The following FTO variants were observed in gnomAD, a reference collection of about 807,000 sequenced individuals.
The protein encoded by FTO is FTO alpha-ketoglutarate dependent dioxygenase.
FTO carries 47 observed loss-of-function variants against 63.9 expected under a neutral mutation model. The ratio of observed to expected loss-of-function variants is 0.74; its 90% CI spans 0.58 to 0.94. The LOEUF is 0.94. Ranked by LOEUF, FTO falls within the 40% of genes least tolerant of loss-of-function variation. FTO has a pLI of 0.00. For synonymous variants in FTO, 207 were observed against 224.4 expected (o/e 0.92, Z 0.69); for missense variants, 562 against 618.1 (o/e 0.91, Z 0.96).
At chr16:53,846,988 TTAATA>T (rs1014133453) in intron 4 of FTO, among the ~76,000 whole-genome samples, 2 of 152,120 alleles carry the variant, frequency 1.3e-5, no homozygotes, top group Non-Finnish European at 2.9e-5. Context: ...AATGCCTGAT[TTAATA>T]TATTTCTTTT....
intron 3 of FTO, among the ~76,000 whole-genome samples, chr16:53,838,511 A>C (rs1162689674): frequency 6.6e-6 from 1 of 151,920 alleles, no homozygotes; most frequent in African/African-American, 2.4e-5. Context: ...GGATTTCACC[A>C]TGTTGGCCAG....
chr16:54,059,953 G>A (rs1183695659), intron 8 of FTO, among the ~76,000 whole-genome samples: 2 of 151,806 alleles, frequency 1.3e-5, no homozygotes, highest in Non-Finnish European at 1.5e-5. Flanking sequence ...AAAATAAAAC[G>A]TGTTTTAAAA....
chr16:53,894,989 A>G (rs949007072), intron 7 of FTO, among the ~76,000 whole-genome samples: 2 of 152,150 alleles, frequency 1.3e-5, no homozygotes, highest in African/African-American at 2.4e-5. Flanking sequence ...CGAAAAAGTC[A>G]CTTGCAGCTG....
chr16:53,843,800 T>G (rs937530552), intron 3 of FTO, among the ~76,000 whole-genome samples: 1 of 149,562 alleles, frequency 6.7e-6, no homozygotes, highest in South Asian at 2.1e-4. Context: ...TACATCTGTT[T>G]TTTATTTTTA....
chr16:53,816,566 TGCCCCAAG>T (rs2078696574), intron 2 of FTO, among the ~76,000 whole-genome samples: 1 of 148,686 alleles, frequency 6.7e-6, no homozygotes, highest in African/African-American at 2.5e-5. Context: ...AGCTCACTCC[TGCCCCAAG>T]GCCTTTGCAC....
intron 8 of FTO, among the ~76,000 whole-genome samples, chr16:53,960,045 A>C (rs1441218260): frequency 6.6e-6 from 1 of 152,140 alleles, no homozygotes; most frequent in Non-Finnish European, 1.5e-5. Flanking sequence ...TCAAGACTGG[A>C]CTTGGGGATT....
intron 8 of FTO, among the ~76,000 whole-genome samples, chr16:53,997,010 G>A (rs1186253887): frequency 6.6e-6 from 1 of 152,020 alleles, no homozygotes; most frequent in Admixed American, 6.6e-5. Flanking sequence ...CTGTTCAGAA[G>A]GCTGAGGCAA....
intron 8 of FTO, among the ~76,000 whole-genome samples, chr16:54,004,521 C>T (rs762175283): frequency 5.3e-5 from 8 of 152,116 alleles, no homozygotes; most frequent in Non-Finnish European, 1.0e-4. Flanking sequence ...TTGATGTTTG[C>T]TCACCATTAT....
At chr16:54,074,040 T>G (rs917135341) in intron 8 of FTO, among the ~76,000 whole-genome samples, 4 of 152,100 alleles carry the variant, frequency 2.6e-5, no homozygotes, top group African/African-American at 9.7e-5. Flanking sequence ...CAATAAACTG[T>G]TTTATCAGGA....
At chr16:53,878,846 G>A (rs1429394570) in intron 5 of FTO, among the ~76,000 whole-genome samples, 1 of 152,184 alleles carries the variant, frequency 6.6e-6, no homozygotes, top group African/African-American at 2.4e-5. Flanking sequence ...TCCTTGCTGA[G>A]GCCCAGGTAC....
chr16:54,040,426 T>C (rs747065750), intron 8 of FTO: 5 of 152,228 alleles, frequency 3.3e-5, no homozygotes, highest in Non-Finnish European at 7.3e-5. Flanking sequence ...TATGCAACTT[T>C]TAAGCACATA....
At chr16:53,902,649 T>C (rs923665896) in intron 7 of FTO, among the ~76,000 whole-genome samples, 5 of 152,202 alleles carry the variant, frequency 3.3e-5, no homozygotes, top group Non-Finnish European at 7.3e-5. Context: ...AGCATCCTCA[T>C]GTTGCCTTGT....
intron 2 of FTO, among the ~76,000 whole-genome samples, chr16:53,816,012 C>T (rs989248578): frequency 3.3e-5 from 5 of 152,018 alleles, no homozygotes; most frequent in Non-Finnish European, 4.4e-5. Context: ...CCTAAAATGG[C>T]GCCCAATCAT....
intron 1 of FTO, among the ~76,000 whole-genome samples, chr16:53,804,692 T>G (rs2151722707): frequency 6.7e-6 from 1 of 148,342 alleles, no homozygotes; most frequent in South Asian, 2.2e-4. Context: ...GGTGACTCAC[T>G]GCAACCTCCA....
chr16:53,840,140 G>A (rs1031198060), intron 3 of FTO, among the ~76,000 whole-genome samples: 4 of 151,974 alleles, frequency 2.6e-5, no homozygotes, highest in Non-Finnish European at 5.9e-5. Context: ...GACTTCAATG[G>A]TAGAAGTTAT....
At chr16:53,867,305 A>G (rs1368423291) in intron 4 of FTO, among the ~76,000 whole-genome samples, 1 of 148,400 alleles carries the variant, frequency 6.7e-6, no homozygotes, top group Non-Finnish European at 1.5e-5. Context: ...CGTGTATTGC[A>G]GGAAATTTGT....
chr16:53,773,637 A>G (rs2077394729), intron 1 of FTO, among the ~76,000 whole-genome samples: 1 of 152,098 alleles, frequency 6.6e-6, no homozygotes, highest in Non-Finnish European at 1.5e-5. Flanking sequence ...TTCTGTGGAG[A>G]AAGTTGGGAA....
intron 1 of FTO, among the ~76,000 whole-genome samples, chr16:53,719,852 A>C (rs1049531871): frequency 1.3e-5 from 2 of 152,016 alleles, no homozygotes; most frequent in African/African-American, 2.4e-5. Context: ...TTTCTGTAGC[A>C]ATTTGTGCAT....
intron 8 of FTO, among the ~76,000 whole-genome samples, chr16:53,955,365 G>A (rs761528915): frequency 2.6e-5 from 4 of 152,160 alleles, no homozygotes; most frequent in Non-Finnish European, 5.9e-5. Context: ...TAAAAAAGAG[G>A]ATGTCAGATA....
Sources: allele counts gnomAD v4.1 joint callset (sites outside exome capture counted in the v4.1 genomes callset), GRCh38; gene constraint gnomAD v4.1.1; transcripts MANE v1.5; gene names NCBI Gene and HGNC (gene_info 2026-07-23, HGNC 2026-07-21).